The following KCNH1 variants were observed in gnomAD, a reference collection of about 807,000 sequenced individuals.
KCNH1 encodes the protein potassium voltage-gated channel subfamily H member 1.
KCNH1 carries 27 observed loss-of-function variants against 69.2 expected under a neutral mutation model. That is an observed-to-expected ratio of 0.39 (90% CI 0.29 to 0.54). The LOEUF is 0.54. KCNH1 is among the 20% of genes least tolerant of loss of function. KCNH1 has a pLI of 0.68. For synonymous variants in KCNH1, 456 were observed against 487.7 expected (o/e 0.93, Z 0.86); for missense variants, 798 against 1,261.6 (o/e 0.63, Z 5.57).
chr1:210,773,038 C>A lies in KCNH1; in HGVS notation c.2112+2310G>T, dbSNP rs557915808. On this transcript the variant is annotated intron_variant, in intron 10 of 10. Coordinates refer to ENST00000271751, the MANE Select transcript of KCNH1 (RefSeq NM_172362.3). ...CCAAGAAGATTACTCCTCCAAATAA[C>A]CCAAACTGCATATTTTTTCAACCTA... 9.9e-5 allele frequency among the ~76,000 whole-genome samples: 15 copies of A among 152,240 alleles called. 1 individual carries two copies. Among genetic ancestry groups the A allele is most frequent in the Middle Eastern group, 3.4e-3 (1 of 294 alleles).
chr1:210,810,940 G>A (rs1213799403), intron 7 of KCNH1, among the ~76,000 whole-genome samples: 2 of 152,188 alleles, frequency 1.3e-5, no homozygotes, highest in Non-Finnish European at 2.9e-5. Flanking sequence ...AGAATTCACT[G>A]TAGACTGACC....
intron 5 of KCNH1, among the ~76,000 whole-genome samples, chr1:211,030,755 A>C (rs4951492): frequency 1.1e-4 from 17 of 151,966 alleles, no homozygotes; most frequent in Non-Finnish European, 2.1e-4. Flanking sequence ...AACTGACAAG[A>C]TGGACTTCAT....
intron 5 of KCNH1, among the ~76,000 whole-genome samples, chr1:211,073,875 G>T (rs77710237): frequency 0.017 from 2,545 of 151,636 alleles, 70 homozygotes; most frequent in African/African-American, 0.056. Flanking sequence ...CAATGAAATT[G>T]AAAACAAAAA....
chr1:210,838,181 C>G (rs1685326928), intron 7 of KCNH1, among the ~76,000 whole-genome samples: 1 of 152,054 alleles, frequency 6.6e-6, no homozygotes, highest in African/African-American at 2.4e-5. Context: ...AACCCAGAAA[C>G]AGGACCACAC....
intron 6 of KCNH1, among the ~76,000 whole-genome samples, chr1:210,929,465 C>A (rs541289491): frequency 1.3e-5 from 2 of 152,086 alleles, no homozygotes; most frequent in East Asian, 3.8e-4. Context: ...AAGCATCTGA[C>A]AAAATTCAGC....
intron 7 of KCNH1, among the ~76,000 whole-genome samples, chr1:210,893,597 A>C (rs892382961): frequency 1.3e-5 from 2 of 151,846 alleles, no homozygotes; most frequent in African/African-American, 4.8e-5. Context: ...TTCTTCAAAT[A>C]TTGCTTCTAC....
intron 5 of KCNH1, among the ~76,000 whole-genome samples, chr1:211,076,831 C>T (rs943225391): frequency 4.6e-5 from 7 of 152,148 alleles, no homozygotes; most frequent in Non-Finnish European, 7.3e-5. Flanking sequence ...GAAGGATGTT[C>T]GAACCCATCG....
In KCNH1 at chr1:210,733,947, T is replaced by TCACA. The variant is rs5780602; in HGVS notation, c.2112+41400_2112+41401insTGTG. Among the ~76,000 whole-genome samples the TCACA allele has an allele frequency of 1.8e-3, 263 of 142,194 alleles. 5 individuals are homozygous for TCACA. Among genetic ancestry groups the TCACA allele is most frequent in the African/African-American group, 6.5e-3 (251 of 38,702 alleles). 93.3% of individuals were successfully genotyped at this position (142,194 alleles called of 152,430 possible). ...CATCTTCAATTAGTATGTCTGTCTG[T>TCACA]CTCACACACACACACACACACACAC... On this transcript the variant is annotated intron_variant, in intron 10 of 10. Transcript: ENST00000271751.
At chr1:211,084,645 G>C (rs1317949302) in intron 4 of KCNH1, among the ~76,000 whole-genome samples, 1 of 152,222 alleles carries the variant, frequency 6.6e-6, no homozygotes, top group East Asian at 1.9e-4. Context: ...AGGTGAGTGG[G>C]TGTTGAAAAG....
intron 10 of KCNH1, among the ~76,000 whole-genome samples, chr1:210,769,098 G>A (rs1238332832): frequency 2.6e-5 from 4 of 152,126 alleles, no homozygotes; most frequent in African/African-American, 7.2e-5. Context: ...CCACATAGGA[G>A]GGATGACAAG....
intron 6 of KCNH1, among the ~76,000 whole-genome samples, chr1:211,012,774 T>C (rs1437048779): frequency 1.3e-5 from 2 of 152,178 alleles, no homozygotes; most frequent in Non-Finnish European, 2.9e-5. Context: ...CTATAGGCTA[T>C]ATGCTATATG....
At chr1:211,022,444 T>C (rs12034779) in intron 5 of KCNH1, among the ~76,000 whole-genome samples, 1 of 152,216 alleles carries the variant, frequency 6.6e-6, no homozygotes, top group East Asian at 1.9e-4. Flanking sequence ...ACCTCAAAAG[T>C]ACAGGCAACC....
At chr1:210,824,165 C>T (rs1216066456) in intron 7 of KCNH1, among the ~76,000 whole-genome samples, 1 of 136,264 alleles carries the variant, frequency 7.3e-6, no homozygotes, top group African/African-American at 2.7e-5. Flanking sequence ...TGTGACCCCC[C>T]CTTAAATCTG....
chr1:211,016,433 C>T (rs758443798), intron 6 of KCNH1, among the ~76,000 whole-genome samples: 5 of 152,102 alleles, frequency 3.3e-5, no homozygotes, highest in South Asian at 4.1e-4. Context: ...AATAGAAAAT[C>T]GTTTATTTTA....
chr1:210,842,485 C>T (rs1030653012), intron 7 of KCNH1, among the ~76,000 whole-genome samples: 3 of 152,128 alleles, frequency 2.0e-5, no homozygotes, highest in East Asian at 3.9e-4. Context: ...TTTAGTAAGC[C>T]GGGCATGTTA....
chr1:210,756,024 G>T (rs1472106953), intron 10 of KCNH1, among the ~76,000 whole-genome samples: 2 of 152,158 alleles, frequency 1.3e-5, no homozygotes, highest in Admixed American at 1.3e-4. Flanking sequence ...GTACTGCATG[G>T]CACGCTGCTA....
intron 7 of KCNH1, among the ~76,000 whole-genome samples, chr1:210,809,411 A>C (rs1684652198): frequency 2.0e-5 from 3 of 152,186 alleles, no homozygotes; most frequent in Admixed American, 1.3e-4. Context: ...AGAAACCAGA[A>C]GCAGACACTT....
intron 1 of KCNH1, among the ~76,000 whole-genome samples, chr1:211,126,378 C>T (rs1422605030): frequency 6.6e-6 from 1 of 151,988 alleles, no homozygotes; most frequent in Admixed American, 6.6e-5. Flanking sequence ...GGCATGGTGG[C>T]GGGCTCCTGT....
intron 7 of KCNH1, among the ~76,000 whole-genome samples, chr1:210,819,995 A>G (rs1351992332): frequency 6.6e-6 from 1 of 152,242 alleles, no homozygotes; most frequent in Non-Finnish European, 1.5e-5. Flanking sequence ...CCTCCAGCCA[A>G]ATCGTGCCTT....
Sources: gnomAD v4.1 joint callset for allele counts (sites outside exome capture counted in the v4.1 genomes callset) on GRCh38, gnomAD v4.1.1 for gene constraint, MANE v1.5 for transcripts, NCBI Gene and HGNC (gene_info 2026-07-23, HGNC 2026-07-21) for gene names.